Variants in SHANK2 observed in about 807,000 individuals in gnomAD.
The protein encoded by SHANK2 is SH3 and multiple ankyrin repeat domains 2, also known as SH3 and multiple ankyrin repeat domains protein 2.
Under a neutral mutation model 133.7 loss-of-function variants are expected in SHANK2, and 43 were observed. The observed-to-expected ratio is 0.32, with a 90% CI of 0.25 to 0.41. The LOEUF (loss-of-function observed/expected upper bound fraction) is 0.41. SHANK2 is among the 10% of genes least tolerant of loss of function. The pLI is 1.00. For synonymous variants in SHANK2, 1,017 were observed against 952.8 expected (o/e 1.07, Z -1.24); for missense variants, 1,994 against 2,235.8 (o/e 0.89, Z 2.18).
At chr11:70,936,052 G>A (rs1432578949) in intron 10 of SHANK2, among the ~76,000 whole-genome samples, 12 of 152,164 alleles carry the variant, frequency 7.9e-5, no homozygotes, top group African/African-American at 2.7e-4. Context: ...AATCAATTTG[G>A]CCACATTAAT....
chr11:70,761,929 C>T (rs1263616943), intron 14 of SHANK2, among the ~76,000 whole-genome samples: 2 of 152,210 alleles, frequency 1.3e-5, no homozygotes, highest in Non-Finnish European at 2.9e-5. Flanking sequence ...GCTGCTGCTG[C>T]TGCTGCTGCT....
At chr11:71,173,517 G>T (rs530485460) in intron 2 of SHANK2, among the ~76,000 whole-genome samples, 1 of 152,204 alleles carries the variant, frequency 6.6e-6, no homozygotes, top group Non-Finnish European at 1.5e-5. Context: ...TGAACCAGGC[G>T]AATGTCCCCT....
At chr11:70,638,985 G>A (rs2061142456) in intron 17 of SHANK2, among the ~76,000 whole-genome samples, 2 of 151,766 alleles carry the variant, frequency 1.3e-5, no homozygotes, top group Admixed American at 6.6e-5. Context: ...CAACAAGAGT[G>A]AGACTCCATC....
At chr11:70,870,934 C>G (rs528500664) in intron 11 of SHANK2, among the ~76,000 whole-genome samples, 1 of 152,164 alleles carries the variant, frequency 6.6e-6, no homozygotes, top group African/African-American at 2.4e-5. Flanking sequence ...CCCGCCACCA[C>G]GCCCGGCTAA....
chr11:70,578,066 C>T (rs577331611), intron 17 of SHANK2, among the ~76,000 whole-genome samples: 110 of 152,292 alleles, frequency 7.2e-4, no homozygotes, highest in Admixed American at 1.6e-3. Flanking sequence ...CCGTGTAAGC[C>T]GCCCAGTCTG....
chr11:70,492,634 G>A (rs1349766493), intron 21 of SHANK2, among the ~76,000 whole-genome samples, 169 bp from the exon 22 acceptor site: 1 of 152,146 alleles, frequency 6.6e-6, no homozygotes, highest in Non-Finnish European at 1.5e-5. Flanking sequence ...ATTCCCACTG[G>A]GGCATGGGCT....
intron 17 of SHANK2, among the ~76,000 whole-genome samples, chr11:70,572,657 G>C (rs1420399351): frequency 6.6e-6 from 1 of 152,204 alleles, no homozygotes; most frequent in Non-Finnish European, 1.5e-5. Context: ...AATAAGAAAA[G>C]AGGCCCAACA....
intron 14 of SHANK2, among the ~76,000 whole-genome samples, chr11:70,778,737 T>A (rs1315725924): frequency 6.6e-6 from 1 of 152,180 alleles, no homozygotes; most frequent in Non-Finnish European, 1.5e-5. Context: ...TTCTGTTGTT[T>A]AAGCTGCCCA....
intron 15 of SHANK2, among the ~76,000 whole-genome samples, chr11:70,677,420 C>T (rs1453573740): frequency 6.6e-6 from 1 of 152,198 alleles, no homozygotes; most frequent in Non-Finnish European, 1.5e-5. Context: ...GGCCACCACC[C>T]ACGATTCTGA....
rs1407410820 is a variant in SHANK2, at chr11:70,518,199, G to A, written c.2062-15268C>T. ...CCCTGGGGCGATCATATCCCTCTGC[G>A]TTCCCTGGAAATGGCTCAGCATGCT... On this transcript the variant is annotated intron_variant, in intron 17 of 25. Coordinates refer to ENST00000601538, the MANE Select transcript of SHANK2 (RefSeq NM_012309.5). Among the ~76,000 whole-genome samples, 7 of 152,112 alleles carry A rather than the reference G, an allele frequency of 4.6e-5. 1 individual carries two copies. Among genetic ancestry groups the A allele is most frequent in the Admixed American group, 2.6e-4 (4 of 15,284 alleles).
chr11:70,628,949 C>T (rs1367654514), intron 17 of SHANK2, among the ~76,000 whole-genome samples: 1 of 152,188 alleles, frequency 6.6e-6, no homozygotes, highest in Non-Finnish European at 1.5e-5. Context: ...ACAGGATGTA[C>T]TTGGGGAGAG....
intron 17 of SHANK2, among the ~76,000 whole-genome samples, chr11:70,578,662 C>T (rs1225033776): frequency 6.6e-6 from 1 of 152,202 alleles, no homozygotes; most frequent in Admixed American, 6.5e-5. Flanking sequence ...CATCATGAAC[C>T]AGCCAGGTGC....
chr11:70,791,794 T>C (rs1312619962), intron 14 of SHANK2, among the ~76,000 whole-genome samples: 1 of 152,298 alleles, frequency 6.6e-6, no homozygotes. Context: ...TAATGGGTCA[T>C]AGTCCCTGCC....
intron 17 of SHANK2, among the ~76,000 whole-genome samples, chr11:70,512,998 T>A (rs543935107): frequency 6.6e-6 from 1 of 152,270 alleles, no homozygotes; most frequent in African/African-American, 2.4e-5. Flanking sequence ...CTGCAGGTAA[T>A]AGCTATAAAA....
At chr11:71,083,984 G>A (rs1053755873) in intron 8 of SHANK2, among the ~76,000 whole-genome samples, 1 of 149,350 alleles carries the variant, frequency 6.7e-6, no homozygotes, top group South Asian at 2.1e-4. Flanking sequence ...TTTTTTGGGG[G>A]GGGGAGACAG....
intron 14 of SHANK2, among the ~76,000 whole-genome samples, chr11:70,792,813 T>C (rs1175044036): frequency 6.6e-6 from 1 of 152,174 alleles, no homozygotes; most frequent in Non-Finnish European, 1.5e-5. Flanking sequence ...GGGCCAGGCA[T>C]GGTGGCTCAC....
intron 14 of SHANK2, among the ~76,000 whole-genome samples, chr11:70,719,705 G>C (rs1364615726): frequency 2.0e-5 from 3 of 151,798 alleles, no homozygotes; most frequent in Non-Finnish European, 4.4e-5. Flanking sequence ...AGAAGCTGCG[G>C]AGACAGGAGG....
In SHANK2 at chr11:70,491,976, G is replaced by A. The variant is rs181511727; in HGVS notation, c.2439+359C>T. ...TGGGACAGACGGCCTCTTCCACACC[G>A]GAGCATTTCTGTGCTCTGGGTGGAC... On this transcript the variant is annotated intron_variant, in intron 22 of 25. Coordinates refer to ENST00000601538, the MANE Select transcript of SHANK2 (RefSeq NM_012309.5). 4.5e-4 allele frequency among the ~76,000 whole-genome samples: 69 copies of A among 152,332 alleles called. No individual in the cohort carries two copies. In the South Asian group the frequency reaches 5.0e-3, roughly 11 times the overall value.
chr11:70,568,771 G>T (rs1554982519), intron 17 of SHANK2, among the ~76,000 whole-genome samples: 1 of 151,966 alleles, frequency 6.6e-6, no homozygotes, highest in East Asian at 1.9e-4. Context: ...GAGCAATTCT[G>T]CAAGATAAAC....
Sources: gnomAD v4.1 joint callset for allele counts (sites outside exome capture counted in the v4.1 genomes callset) on GRCh38, gnomAD v4.1.1 for gene constraint, MANE v1.5 for transcripts, NCBI Gene and HGNC (gene_info 2026-07-23, HGNC 2026-07-21) for gene names.